Variants in STK31 observed in about 807,000 individuals in gnomAD.
STK31 encodes the protein serine/threonine kinase 31, also known as serine/threonine-protein kinase 31.
Under a neutral mutation model 129.7 loss-of-function variants are expected in STK31, and 89 were observed. The ratio of observed to expected loss-of-function variants is 0.69; its 90% CI spans 0.58 to 0.82. STK31 has a LOEUF of 0.82. Among genes scored for constraint, STK31 ranks in the 40% least tolerant of loss-of-function variants. The probability of loss-of-function intolerance (pLI) is 0.00; values close to 1 mark genes in which losing one functional copy is unlikely to be tolerated. For missense variants in STK31, 1,187 were observed against 1,176.4 expected, an observed-to-expected ratio of 1.01 and a Z score of -0.13; for synonymous variants, 448 against 395.3, an observed-to-expected ratio of 1.13 and a Z score of -1.58.
At chr7:23,730,116 G>A (rs542297878) in intron 6 of STK31, among the ~76,000 whole-genome samples, 7 of 152,250 alleles carry the variant, frequency 4.6e-5, no homozygotes, top group Admixed American at 4.6e-4. Flanking sequence ...TAGTCTTACA[G>A]GAATTCTACC....
intron 4 of STK31, chr7:23,722,927 T>A (rs1786814141): frequency 6.6e-6 from 1 of 152,176 alleles, no homozygotes; most frequent in Non-Finnish European, 1.5e-5. Flanking sequence ...TGGCTAAGGC[T>A]ATTGGAAAAG....
At chr7:23,789,112 G>T (rs894684924) in intron 21 of STK31, among the ~76,000 whole-genome samples, 1 of 152,094 alleles carries the variant, frequency 6.6e-6, no homozygotes, top group Non-Finnish European at 1.5e-5. Context: ...GTTCATCCAC[G>T]TTATTGACTG....
intron 3 of STK31, among the ~76,000 whole-genome samples, chr7:23,715,308 A>G (rs1257071048): frequency 5.3e-5 from 8 of 152,026 alleles, no homozygotes; most frequent in African/African-American, 1.7e-4. Flanking sequence ...ATTTGACTCC[A>G]CCTGTTTCTT....
rs1787153017 is a variant in STK31 at position 23,727,465 on chromosome 7, A to G, written c.324+150A>G. On this transcript the variant is annotated intron_variant, in intron 5 of 23. Transcript: ENST00000355870. Reference sequence around the variant, plus strand: ...CACAGAAGAAATTAATTGCTAAAAAACATGTTGTTTTATAATCACCTCAGA... The same window carrying G: ...CACAGAAGAAATTAATTGCTAAAAAGCATGTTGTTTTATAATCACCTCAGA... The G allele has an allele frequency of 7.8e-6, 5 of 642,468 alleles. No individual in the cohort carries two copies. In the South Asian group the frequency reaches 9.8e-5, roughly 13 times the overall value. The allele number at this position is 642,468 out of a possible 1,614,324, so 39.8% of individuals were successfully genotyped here.
chr7:23,745,634 A>G (rs987485327), intron 8 of STK31, among the ~76,000 whole-genome samples: 1 of 152,198 alleles, frequency 6.6e-6, no homozygotes, highest in African/African-American at 2.4e-5. Flanking sequence ...TGGTGGCAGC[A>G]GCAGCTAGCA....
chr7:23,715,740 T>C (rs1019666728), intron 3 of STK31, among the ~76,000 whole-genome samples: 2 of 152,236 alleles, frequency 1.3e-5, no homozygotes, highest in East Asian at 1.9e-4. Context: ...GCTGAGACTT[T>C]GATATTCATC....
At chr7:23,726,429 C>CAAAAAAAAAA (rs70956913) in intron 4 of STK31, 24 of 79,130 alleles carry the variant, frequency 3.0e-4, no homozygotes, top group East Asian at 1.1e-3. Flanking sequence ...CTTGCCTCTA[C>CAAAAAAAAAA]AAAAAAAAAA....
intron 15 of STK31, among the ~76,000 whole-genome samples, chr7:23,773,595 C>G (rs960011974): frequency 3.3e-5 from 5 of 152,044 alleles, no homozygotes; most frequent in African/African-American, 9.7e-5. Context: ...ATTTCTGGTT[C>G]TAGATCCTTC....
At chr7:23,782,471 CAAAAAAAAA>C (rs66962254) in intron 16 of STK31, among the ~76,000 whole-genome samples, 15 of 84,536 alleles carry the variant, frequency 1.8e-4, no homozygotes, top group African/African-American at 6.5e-4. Flanking sequence ...GACCCTGTCT[CAAAAAAAAA>C]AAAAAAAAAA....
At position 23,727,394 on chromosome 7, in the gene STK31, C is replaced by G. The variant is rs539369745; in HGVS notation, c.324+79C>G. 77 of 1,232,282 alleles carry G rather than the reference C, an allele frequency of 6.2e-5. No homozygotes were observed. The South Asian group carries it at 9.0e-4, about 14-fold the overall frequency. 76.3% of individuals were successfully genotyped at this position (1,232,282 alleles called of 1,614,324 possible). A position where few individuals can be genotyped will look rare whatever the true frequency, so the allele number is the denominator to read the frequency against. ...TCAAAAATTTGATGCTTATTTAGCC[C>G]TTCATTGCTTATTCGTAGTACTGAT... On this transcript the variant is annotated intron_variant, in intron 5 of 23. Transcript: ENST00000355870.
chr7:23,832,398 T>A lies in STK31; in HGVS notation c.*32T>A. 1 of 1,442,062 alleles carries A rather than the reference T, an allele frequency of 6.9e-7. No individual in the cohort carries two copies. The highest frequency in any genetic ancestry group is 1.2e-5 in the South Asian group (1 of 82,224). 89.3% of individuals were successfully genotyped at this position (1,442,062 alleles called of 1,614,324 possible). ...ATTGTTGTTGTTGCAGAGGTTCTTT[T>A]TAAAAACTTTGGTTTGGTTAATACA... On this transcript the variant is annotated 3_prime_UTR_variant, in exon 24 of 24. Coordinates refer to ENST00000355870, the MANE Select transcript of STK31 (RefSeq NM_031414.5).
chr7:23,800,523 A>G (rs1008395226), intron 22 of STK31, among the ~76,000 whole-genome samples: 1 of 152,040 alleles, frequency 6.6e-6, no homozygotes, highest in Non-Finnish European at 1.5e-5. Flanking sequence ...ATAAGTGAAC[A>G]TGTTCTCACT....
Position 23,735,559 on chromosome 7 carries a change from T to C in STK31, c.505T>C (p.Leu169=), listed in dbSNP as rs1414288647. 2 of 1,602,314 alleles carry C rather than the reference T, an allele frequency of 1.2e-6. No homozygotes were observed. Among genetic ancestry groups the C allele is most frequent in the South Asian group, 2.2e-5 (2 of 89,018 alleles). Residue 169 remains leucine (L), a synonymous_variant, in exon 7 of 24, where the codon TTG becomes CTG. Transcript: ENST00000355870. ...FDQGTTFLGS[L]IFEKEIKMRI... is the part of the protein sequence containing the mutation. ...TTAGGGCACAACCTTTTTGGGGAGC[T>C]TGATTTTTGAAAAGGAAATAAAAAT...
At chr7:23,743,234 G>A (rs148285048) in intron 8 of STK31, among the ~76,000 whole-genome samples, 63 of 152,280 alleles carry the variant, frequency 4.1e-4, no homozygotes, top group African/African-American at 1.1e-3. Context: ...GATTACAGGC[G>A]TGAGCCACTG....
chr7:23,733,082 G>A (rs1041687132), intron 6 of STK31, among the ~76,000 whole-genome samples: 1 of 151,744 alleles, frequency 6.6e-6, no homozygotes, highest in African/African-American at 2.4e-5. Flanking sequence ...TTGAATTCTT[G>A]GTGAATTCAA....
chr7:23,747,658 A>G (rs535908624), intron 8 of STK31, among the ~76,000 whole-genome samples: 3 of 152,298 alleles, frequency 2.0e-5, no homozygotes. Context: ...GTGAGCCACC[A>G]TGCCCGGCCT....
chr7:23,777,533 T>C (rs889623600), intron 15 of STK31, among the ~76,000 whole-genome samples: 1 of 152,186 alleles, frequency 6.6e-6, no homozygotes, highest in African/African-American at 2.4e-5. Context: ...GCATATATAT[T>C]TAAGACAGTT....
At chr7:23,717,620 T>G (rs1779062421) in intron 4 of STK31, 41 bp downstream of exon 4, 1 of 1,458,322 alleles carries the variant, frequency 6.9e-7, no homozygotes. Flanking sequence ...ATTCCTCCTG[T>G]CAGCTTTCCT....
intron 23 of STK31, among the ~76,000 whole-genome samples, chr7:23,829,776 G>C (rs574554957): frequency 6.6e-6 from 1 of 152,248 alleles, no homozygotes; most frequent in South Asian, 2.1e-4. Flanking sequence ...TTCTATGTTG[G>C]GAGACTTTCT....
Sources: gnomAD v4.1 joint callset for allele counts (sites outside exome capture counted in the v4.1 genomes callset) on GRCh38, gnomAD v4.1.1 for gene constraint, MANE v1.5 for transcripts, NCBI Gene and HGNC (gene_info 2026-07-23, HGNC 2026-07-21) for gene names.